SMCO4: variants seen among roughly 807,000 people sequenced by gnomAD.
The protein encoded by SMCO4 is single-pass membrane and coiled-coil domain-containing protein 4.
A neutral mutation model predicts 3.6 loss-of-function variants in SMCO4; 4 were observed. The observed-to-expected ratio is 1.11, with a 90% CI of 0.54 to 2.53. The LOEUF is 2.53. SMCO4 is among the 30% of genes most tolerant of loss of function. The pLI is 0.02. For synonymous variants in SMCO4, 36 were observed against 35.3 expected, an observed-to-expected ratio of 1.02 and a Z score of -0.07; for missense variants, 70 against 80.8, an observed-to-expected ratio of 0.87 and a Z score of 0.51.
intron 1 of SMCO4, among the ~76,000 whole-genome samples, chr11:93,508,380 T>C (rs1425724215): frequency 6.6e-6 from 1 of 152,182 alleles, no homozygotes; most frequent in African/African-American, 2.4e-5. Context: ...CATGAACATA[T>C]GATTCTGAAA....
chr11:93,552,328 T>TG, the SMCO4 span, among the ~76,000 whole-genome samples: 1 of 151,044 alleles, frequency 6.6e-6, no homozygotes, highest in Non-Finnish European at 1.5e-5. Context: ...TTAGTAGAGA[T>TG]GGGGTTTCAC....
intron 1 of SMCO4, among the ~76,000 whole-genome samples, chr11:93,508,387 G>A (rs1948927340): frequency 6.6e-6 from 1 of 152,192 alleles, no homozygotes; most frequent in Non-Finnish European, 1.5e-5. Flanking sequence ...ATATGATTCT[G>A]AAAACAAGTA....
intron 1 of SMCO4, among the ~76,000 whole-genome samples, chr11:93,540,210 A>C (rs1949260868): frequency 6.6e-6 from 1 of 152,230 alleles, no homozygotes; most frequent in South Asian, 2.1e-4. Context: ...CAACTGCTGA[A>C]AGACTTACTC....
At chr11:93,517,582 C>T (rs1490769098) in intron 1 of SMCO4, among the ~76,000 whole-genome samples, 1 of 152,178 alleles carries the variant, frequency 6.6e-6, no homozygotes, top group Non-Finnish European at 1.5e-5. Context: ...TGCTTCTCTC[C>T]TTGAGTCCAC....
At chr11:93,538,629 T>C (rs1291860906) in intron 1 of SMCO4, among the ~76,000 whole-genome samples, 1 of 152,154 alleles carries the variant, frequency 6.6e-6, no homozygotes. Flanking sequence ...GGAGGCACTT[T>C]TGGTTTCTGC....
At chr11:93,518,972 A>G (rs1170900233) in intron 1 of SMCO4, among the ~76,000 whole-genome samples, 1 of 152,242 alleles carries the variant, frequency 6.6e-6, no homozygotes, top group African/African-American at 2.4e-5. Flanking sequence ...CAAGTCTCTA[A>G]TGTCAAAAAA....
Position 93,479,211 on chromosome 11 carries a change from G to A in SMCO4, c.-22C>T, listed in dbSNP as rs904851628. 1.2e-6 allele frequency: 2 copies of A among 1,610,460 alleles called. No individual in the cohort carries two copies. Among genetic ancestry groups the A allele is most frequent in the Admixed American group, 3.3e-5 (2 of 59,850 alleles). The stretch of plus-strand genomic sequence containing the variant: ...GCATCTTTCCTAGAGGATGCTAGGA[G>A]GGTGTGTCCAGAGGGATTCCAGGAA... On this transcript the variant is annotated 5_prime_UTR_variant, in exon 3 of 3. Transcript: ENST00000298966.
chr11:93,531,402 T>C (rs532958454), intron 1 of SMCO4, among the ~76,000 whole-genome samples: 10 of 152,198 alleles, frequency 6.6e-5, no homozygotes, highest in African/African-American at 7.2e-5. Context: ...ACTGACACCA[T>C]TGGCTCTCCT....
rs1280572206 is a variant in SMCO4 at position 93,479,154 on chromosome 11, G to A, written c.36C>T (p.Thr12=). The change falls in exon 3 of 3, where the codon ACC becomes ACT. Residue 12 remains threonine (T), a synonymous_variant. Transcript: ENST00000298966. ...RQLKGKPKKE[T]SKDKKERKQA... ...GCTTCCGCTCCTTCTTGTCCTTGGA[G>A]GTCTCCTTCTTGGGCTTCCCTTTGA... 2 of 1,614,072 alleles carry A rather than the reference G, an allele frequency of 1.2e-6. No homozygotes were observed. Among genetic ancestry groups the A allele is most frequent in the Admixed American group, 1.7e-5 (1 of 60,014 alleles).
intron 1 of SMCO4, among the ~76,000 whole-genome samples, chr11:93,515,983 CT>C (rs887135116): frequency 6.6e-6 from 1 of 152,046 alleles, no homozygotes; most frequent in Non-Finnish European, 1.5e-5. Flanking sequence ...TCTGTTTTTC[CT>C]TTGTAATTTC....
chr11:93,510,310 C>A (rs185552322), intron 1 of SMCO4, among the ~76,000 whole-genome samples: 1 of 152,214 alleles, frequency 6.6e-6, no homozygotes, highest in Admixed American at 6.5e-5. Context: ...TTTCAACAAT[C>A]ACCAATGTGT....
chr11:93,541,376 A>G (rs976592118), intron 1 of SMCO4, among the ~76,000 whole-genome samples: 1 of 152,240 alleles, frequency 6.6e-6, no homozygotes, highest in Non-Finnish European at 1.5e-5. Flanking sequence ...AAGTCTGGGC[A>G]TGCCAGAGGC....
the SMCO4 span, among the ~76,000 whole-genome samples, chr11:93,553,681 T>A: frequency 6.6e-6 from 1 of 152,246 alleles, no homozygotes; most frequent in Non-Finnish European, 1.5e-5. Context: ...GATCACCAGA[T>A]ACTTTAATAT....
chr11:93,521,822 G>A (rs1949060360), intron 1 of SMCO4, among the ~76,000 whole-genome samples: 1 of 152,168 alleles, frequency 6.6e-6, no homozygotes, highest in African/African-American at 2.4e-5. Flanking sequence ...GAACATCCCT[G>A]CCGCCAAGGA....
chr11:93,480,356 C>T (rs1449042777), intron 2 of SMCO4, among the ~76,000 whole-genome samples: 1 of 152,122 alleles, frequency 6.6e-6, no homozygotes, highest in African/African-American at 2.4e-5. Context: ...CCACCATGAC[C>T]ACCCCCAAAA....
intron 2 of SMCO4, among the ~76,000 whole-genome samples, chr11:93,481,781 G>A (rs372313097): frequency 5.9e-5 from 9 of 152,208 alleles, no homozygotes; most frequent in African/African-American, 1.7e-4. Context: ...ACTCTGATTC[G>A]TGGCCATTTC....
chr11:93,507,894 A>T (rs1304822336), intron 1 of SMCO4, among the ~76,000 whole-genome samples: 1 of 152,228 alleles, frequency 6.6e-6, no homozygotes, highest in Non-Finnish European at 1.5e-5. Flanking sequence ...GTCTTCCATT[A>T]AGAGAGACAT....
intron 1 of SMCO4, among the ~76,000 whole-genome samples, chr11:93,528,812 G>A (rs1373150580): frequency 6.6e-6 from 1 of 152,180 alleles, no homozygotes; most frequent in Non-Finnish European, 1.5e-5. Flanking sequence ...GTACCAATCT[G>A]GATACCAGAA....
chr11:93,493,960 A>G (rs1948747788), intron 2 of SMCO4, among the ~76,000 whole-genome samples: 1 of 152,128 alleles, frequency 6.6e-6, no homozygotes, highest in African/African-American at 2.4e-5. Flanking sequence ...AACATCTCTC[A>G]GACATACCCC....
Sources: gnomAD v4.1 joint callset for allele counts (sites outside exome capture counted in the v4.1 genomes callset) on GRCh38, gnomAD v4.1.1 for gene constraint, MANE v1.5 for transcripts, NCBI Gene and HGNC (gene_info 2026-07-23, HGNC 2026-07-21) for gene names.